PLGRKT: variants seen among roughly 807,000 people sequenced by gnomAD.
PLGRKT encodes the protein plasminogen receptor with a C-terminal lysine.
A neutral mutation model predicts 18.5 loss-of-function variants in PLGRKT; 22 were observed. The observed-to-expected ratio is 1.19, with a 90% CI of 0.85 to 1.70. PLGRKT has a LOEUF of 1.70. Ranked by LOEUF, PLGRKT falls within the 40% of genes most tolerant of loss-of-function variation. The probability of loss-of-function intolerance (pLI) is 0.00; values close to 1 mark genes in which losing one functional copy is unlikely to be tolerated. For missense variants in PLGRKT, 235 were observed against 174.4 expected (o/e 1.35, Z -1.96); for synonymous variants, 72 against 52.8 (o/e 1.36, Z -1.58).
intron 3 of PLGRKT, among the ~76,000 whole-genome samples, chr9:5,425,054 C>T (rs1490860864): frequency 6.6e-6 from 1 of 152,112 alleles, no homozygotes; most frequent in Non-Finnish European, 1.5e-5. Flanking sequence ...TGCTTGAACA[C>T]AATAAACAAC....
At chr9:5,430,837 T>C (rs1204628658) in intron 3 of PLGRKT, among the ~76,000 whole-genome samples, 1 of 152,252 alleles carries the variant, frequency 6.6e-6, no homozygotes, top group Non-Finnish European at 1.5e-5. Flanking sequence ...TAAGACTTGA[T>C]TTTTTGACTT....
intron 3 of PLGRKT, among the ~76,000 whole-genome samples, chr9:5,363,341 C>G (rs1206546812): frequency 2.0e-5 from 3 of 151,840 alleles, no homozygotes; most frequent in Non-Finnish European, 2.9e-5. Flanking sequence ...TACTGATCCT[C>G]TGGGATCCAG....
intron 3 of PLGRKT, among the ~76,000 whole-genome samples, chr9:5,400,315 A>G (rs1263038954): frequency 2.0e-5 from 3 of 151,932 alleles, no homozygotes; most frequent in African/African-American, 7.3e-5. Context: ...GTGGCTTCAA[A>G]TTGTGGGGTG....
intron 3 of PLGRKT, among the ~76,000 whole-genome samples, chr9:5,366,976 G>A (rs571170146): frequency 7.9e-5 from 12 of 151,216 alleles, no homozygotes; most frequent in Non-Finnish European, 1.3e-4. Context: ...GTCATGCTGA[G>A]AGCCAAATCA....
intron 3 of PLGRKT, among the ~76,000 whole-genome samples, chr9:5,409,498 TCTTGTGATCGTGTGAGTTAATA>T (rs1399338355): frequency 6.6e-6 from 1 of 152,170 alleles, no homozygotes; most frequent in Non-Finnish European, 1.5e-5. Flanking sequence ...TATTGTGGGA[TCTTGTGATCGTGTGAGTTAATA>T]CTTAATAAAC....
rs186580315 is a variant in PLGRKT, at chr9:5,433,219, C to T, written c.-6-1236G>A. ...GTCTAGGAAGTGAGGAGCATCTCTG[C>T]CTGGCCGCCCATCGTCTGGGATGTG... On this transcript the variant is annotated intron_variant, in intron 2 of 5. Transcript: ENST00000223864. Among the ~76,000 whole-genome samples, 48 of 149,766 alleles carry T rather than the reference C, an allele frequency of 3.2e-4. No homozygotes were observed. In the East Asian group the frequency reaches 8.9e-3, roughly 28 times the overall value.
chr9:5,387,765 C>T (rs1817872782), intron 3 of PLGRKT, among the ~76,000 whole-genome samples: 1 of 151,698 alleles, frequency 6.6e-6, no homozygotes, highest in South Asian at 2.1e-4. Flanking sequence ...GATTTGTGCA[C>T]ATCACTATAT....
At chr9:5,422,811 A>T (rs1422648041) in intron 3 of PLGRKT, among the ~76,000 whole-genome samples, 1 of 152,198 alleles carries the variant, frequency 6.6e-6, no homozygotes, top group Non-Finnish European at 1.5e-5. Context: ...TAGAAGAAAA[A>T]AGACTACCAA....
chr9:5,399,110 C>A (rs1818106315), intron 3 of PLGRKT, among the ~76,000 whole-genome samples: 3 of 151,626 alleles, frequency 2.0e-5, no homozygotes, highest in Admixed American at 2.0e-4. Context: ...CCCAGTACCC[C>A]CAAATCCTTA....
At chr9:5,393,206 T>C (rs1817982500) in intron 3 of PLGRKT, among the ~76,000 whole-genome samples, 1 of 151,930 alleles carries the variant, frequency 6.6e-6, no homozygotes, top group Non-Finnish European at 1.5e-5. Flanking sequence ...CTGCCATTTT[T>C]ATTTTCTCCC....
intron 3 of PLGRKT, among the ~76,000 whole-genome samples, chr9:5,401,266 C>A (rs1818148641): frequency 6.7e-6 from 1 of 149,734 alleles, no homozygotes; most frequent in South Asian, 2.1e-4. Flanking sequence ...ATAAGAAAGG[C>A]AACAAGAATT....
chr9:5,410,022 T>G (rs1308582772), intron 3 of PLGRKT, among the ~76,000 whole-genome samples: 1 of 152,196 alleles, frequency 6.6e-6, no homozygotes, highest in East Asian at 1.9e-4. Flanking sequence ...GCATATAAGA[T>G]GATAAAATGA....
intron 1 of PLGRKT, 67 bp downstream of exon 1, chr9:5,437,722 G>C (rs940414945): frequency 2.0e-5 from 3 of 152,284 alleles, no homozygotes; most frequent in Non-Finnish European, 4.4e-5. Flanking sequence ...GAGCCCAGGA[G>C]ATCGCGCTGA....
chr9:5,375,221 T>C (rs10815198), intron 3 of PLGRKT, among the ~76,000 whole-genome samples: 59,752 of 152,094 alleles, frequency 0.39, 12,095 homozygotes, highest in South Asian at 0.47. Context: ...CTGACTTCCT[T>C]TGCTGAAACT....
intron 3 of PLGRKT, among the ~76,000 whole-genome samples, chr9:5,372,370 A>C (rs568450103): frequency 6.6e-6 from 1 of 152,274 alleles, no homozygotes; most frequent in South Asian, 2.1e-4. Flanking sequence ...TAATATGCCT[A>C]ATCTTCCCCC....
chr9:5,366,536 A>G (rs1173491409), intron 3 of PLGRKT, among the ~76,000 whole-genome samples: 1 of 152,274 alleles, frequency 6.6e-6, no homozygotes, highest in South Asian at 2.1e-4. Context: ...GAGAACCACA[A>G]TTAATTTCAA....
chr9:5,412,200 G>T (rs975347362), intron 3 of PLGRKT, among the ~76,000 whole-genome samples: 1 of 152,176 alleles, frequency 6.6e-6, no homozygotes, highest in Non-Finnish European at 1.5e-5. Flanking sequence ...CTCACTGGGG[G>T]TAAAGATAGA....
At chr9:5,374,000 C>T (rs1324690912) in intron 3 of PLGRKT, among the ~76,000 whole-genome samples, 1 of 152,154 alleles carries the variant, frequency 6.6e-6, no homozygotes. Flanking sequence ...GAATGTCCTT[C>T]TCAGACACCT....
chr9:5,429,902 T>C (rs1335309050), intron 3 of PLGRKT, among the ~76,000 whole-genome samples: 5 of 152,232 alleles, frequency 3.3e-5, no homozygotes, highest in African/African-American at 1.2e-4. Context: ...GACATCTCCA[T>C]TTTGGGGTGG....
Sources: allele counts gnomAD v4.1 joint callset (sites outside exome capture counted in the v4.1 genomes callset), GRCh38; gene constraint gnomAD v4.1.1; transcripts MANE v1.5; gene names NCBI Gene and HGNC (gene_info 2026-07-23, HGNC 2026-07-21).